The following OCA2 variants were observed in gnomAD, a reference collection of about 807,000 sequenced individuals.
OCA2 encodes P protein.
A neutral mutation model predicts 100.2 loss-of-function variants in OCA2; 77 were observed. The ratio of observed to expected loss-of-function variants is 0.77; its 90% confidence interval spans 0.64 to 0.93. OCA2 has a LOEUF of 0.93. Among genes scored for constraint, OCA2 ranks in the 40% least tolerant of loss-of-function variants. The probability of loss-of-function intolerance (pLI) is 0.00; values close to 1 mark genes in which losing one functional copy is unlikely to be tolerated. For missense variants in OCA2, 1,062 were observed against 1,089.1 expected (o/e 0.98, Z 0.35); for synonymous variants, 432 against 439.2 (o/e 0.98, Z 0.21).
intron 4 of OCA2, among the ~76,000 whole-genome samples, chr15:28,026,716 C>A (rs2042759219): frequency 6.6e-6 from 1 of 152,168 alleles, no homozygotes; most frequent in Non-Finnish European, 1.5e-5. Context: ...TCCCTACGCA[C>A]CTCAGGGAGT....
chr15:28,006,572 T>C (rs2042097960), intron 9 of OCA2, among the ~76,000 whole-genome samples: 1 of 152,210 alleles, frequency 6.6e-6, no homozygotes, highest in African/African-American at 2.4e-5. Flanking sequence ...CAATTCAGTT[T>C]ATGTGTTAAG....
intron 19 of OCA2, among the ~76,000 whole-genome samples, chr15:27,874,232 C>T (rs7167116): frequency 0.017 from 2,527 of 152,220 alleles, 56 homozygotes; most frequent in African/African-American, 0.051. Flanking sequence ...TCTCTCCCCA[C>T]GAAAACATTT....
intron 21 of OCA2, among the ~76,000 whole-genome samples, chr15:27,857,362 A>G (rs1342534720): frequency 6.6e-6 from 1 of 152,194 alleles, no homozygotes; most frequent in Non-Finnish European, 1.5e-5. Context: ...ATTTAAATTC[A>G]TAAGAGACAG....
downstream of OCA2, among the ~76,000 whole-genome samples, chr15:27,751,743 AG>A (rs2030071870): frequency 6.6e-6 from 1 of 152,164 alleles, no homozygotes; most frequent in Non-Finnish European, 1.5e-5. Flanking sequence ...GCAAGCCTTG[AG>A]GGGAGAATAG....
intron 21 of OCA2, among the ~76,000 whole-genome samples, chr15:27,869,383 T>G (rs2036453551): frequency 6.6e-6 from 1 of 152,232 alleles, no homozygotes. Flanking sequence ...TTGTATTTCT[T>G]GATAAAACAC....
intron 23 of OCA2, among the ~76,000 whole-genome samples, chr15:27,820,185 T>A (rs1234028510): frequency 6.6e-6 from 1 of 152,224 alleles, no homozygotes; most frequent in Non-Finnish European, 1.5e-5. Context: ...AACACATGTA[T>A]GTACAAGAAT....
At chr15:27,892,465 G>A (rs1427523458) in intron 19 of OCA2, among the ~76,000 whole-genome samples, 1 of 152,102 alleles carries the variant, frequency 6.6e-6, no homozygotes, top group Non-Finnish European at 1.5e-5. Context: ...TAGTCTATGG[G>A]TCAATGAAGA....
intron 19 of OCA2, among the ~76,000 whole-genome samples, chr15:27,919,648 A>G (rs1346935903): frequency 6.6e-6 from 1 of 152,158 alleles, no homozygotes; most frequent in African/African-American, 2.4e-5. Flanking sequence ...TGGAGCACAG[A>G]GGAATTTTAG....
At chr15:27,851,264 G>T in intron 22 of OCA2, 118 bp downstream of exon 22, 1 of 864,536 alleles carries the variant, frequency 1.2e-6, no homozygotes, top group Non-Finnish European at 1.9e-6. Context: ...TGTCCACTCA[G>T]GAAATCATCC....
At chr15:27,983,223 A>G in intron 14 of OCA2, 122 bp downstream of exon 14, 1 of 1,200,572 alleles carries the variant, frequency 8.3e-7, no homozygotes, top group Non-Finnish European at 1.2e-6. Context: ...GCCCAGTAGC[A>G]CTTACTGTGA....
intron 9 of OCA2, among the ~76,000 whole-genome samples, chr15:27,992,305 T>C (rs2041582116): frequency 6.6e-6 from 1 of 152,234 alleles, no homozygotes; most frequent in African/African-American, 2.4e-5. Flanking sequence ...TTCACCATGT[T>C]GGCCAGGCTG....
intron 9 of OCA2, among the ~76,000 whole-genome samples, chr15:28,004,876 T>A (rs2141145616): frequency 6.6e-6 from 1 of 152,158 alleles, no homozygotes; most frequent in East Asian, 1.9e-4. Context: ...CACCCCAACG[T>A]CCTTCCACTT....
chr15:27,807,892 G>T (rs1346456685), intron 23 of OCA2, among the ~76,000 whole-genome samples: 1 of 152,194 alleles, frequency 6.6e-6, no homozygotes, highest in Non-Finnish European at 1.5e-5. Flanking sequence ...TCCACAGGAG[G>T]CTGAACCGTC....
intron 9 of OCA2, among the ~76,000 whole-genome samples, chr15:27,995,510 A>G (rs924544445): frequency 2.0e-5 from 3 of 151,698 alleles, no homozygotes; most frequent in Non-Finnish European, 4.4e-5. Flanking sequence ...CCCTTGCCCC[A>G]GCCTCCTGAG....
rs192821476 is a variant in OCA2 at position 27,980,335 on chromosome 15, A to T, written c.1503+3010T>A. 4.7e-5 allele frequency among the ~76,000 whole-genome samples: 7 copies of T among 148,648 alleles called. No individual in the cohort carries two copies. In the East Asian group the frequency reaches 1.5e-3, roughly 31 times the overall value. On this transcript the variant is annotated intron_variant, in intron 14 of 23. Transcript: ENST00000354638. Reference sequence around the variant, plus strand: ...GTAGAGACGGGGTTTCACCTTGTTAACCAGGATGGTCCTGATCTCCTGACC... The same window carrying T: ...GTAGAGACGGGGTTTCACCTTGTTATCCAGGATGGTCCTGATCTCCTGACC...
chr15:28,069,365 T>C, intron 2 of OCA2, among the ~76,000 whole-genome samples: 2 of 7,342 alleles, frequency 2.7e-4, no homozygotes, highest in African/African-American at 1.2e-3. Context: ...GCCCTCTCCC[T>C]CTCCCTCTCC....
intron 22 of OCA2, among the ~76,000 whole-genome samples, chr15:27,851,101 G>C (rs148268664): frequency 6.6e-6 from 1 of 152,082 alleles, no homozygotes. Context: ...ACCTAAGCAC[G>C]ACCCACACAG....
In OCA2 at chr15:27,856,106, A is replaced by C. The variant is rs142891758; in HGVS notation, c.2245-4631T>G. ...CTGGCCATCCTTGGCTTGTGGGTGC[A>C]TCACTCCAGCCACACAGGAGCCTTC... On this transcript the variant is annotated intron_variant, in intron 21 of 23. Transcript: ENST00000354638. Among the ~76,000 whole-genome samples the C allele has an allele frequency of 5.3e-5, 8 of 152,252 alleles. No homozygotes were observed. The East Asian group carries it at 1.6e-3, about 30-fold the overall frequency.
chr15:27,772,002 G>A lies in OCA2; in HGVS notation c.2433-16530C>T, dbSNP rs148482689. Among the ~76,000 whole-genome samples the A allele has an allele frequency of 1.6e-3, 242 of 152,218 alleles. 1 individual carries two copies. Among genetic ancestry groups the A allele is most frequent in the African/African-American group, 5.8e-3 (239 of 41,514 alleles). ...ATTTGAAAACAATTAAAATAACTAAGTCTAGACATTATTCCCAAGCACAGC... is the reference window on the plus strand; with the variant it reads ...ATTTGAAAACAATTAAAATAACTAAATCTAGACATTATTCCCAAGCACAGC... On this transcript the variant is annotated intron_variant, in intron 23 of 23. Coordinates refer to ENST00000354638, the MANE Select transcript of OCA2 (RefSeq NM_000275.3).
Sources: gnomAD v4.1 joint callset for allele counts (sites outside exome capture counted in the v4.1 genomes callset) on GRCh38, gnomAD v4.1.1 for gene constraint, MANE v1.5 for transcripts, NCBI Gene and HGNC (gene_info 2026-07-23, HGNC 2026-07-21) for gene names.